CSPG4: variants seen among roughly 807,000 people sequenced by gnomAD.
The protein encoded by CSPG4 is chondroitin sulfate proteoglycan 4.
A neutral mutation model predicts 139.3 loss-of-function variants in CSPG4; 74 were observed. That is an observed-to-expected ratio of 0.53 (90% confidence interval 0.44 to 0.64). CSPG4 has a LOEUF of 0.64. Among genes scored for constraint, CSPG4 ranks in the 30% least tolerant of loss-of-function variants. The probability of loss-of-function intolerance (pLI) is 0.00; values close to 1 mark genes in which losing one functional copy is unlikely to be tolerated. For missense variants in CSPG4, 2,565 were observed against 3,148.3 expected (o/e 0.81, Z 4.43); for synonymous variants, 1,234 against 1,394.2 (o/e 0.89, Z 2.56).
At chr15:75,685,051 G>C in intron 4 of CSPG4, 139 bp from the exon 5 acceptor site, 1 of 1,256,048 alleles carries the variant, frequency 8.0e-7, no homozygotes, top group Non-Finnish European at 1.1e-6. Context: ...CTGGCTCCGA[G>C]GAGTTGTGAG....
At chr15:75,711,671 T>C (rs1294666085) in intron 1 of CSPG4, among the ~76,000 whole-genome samples, 2 of 152,228 alleles carry the variant, frequency 1.3e-5, no homozygotes, top group African/African-American at 4.8e-5. Flanking sequence ...TGGGCCCTTG[T>C]GAAGGAGGCT....
intron 1 of CSPG4, among the ~76,000 whole-genome samples, chr15:75,700,905 C>T (rs1894293562): frequency 6.6e-6 from 1 of 152,150 alleles, no homozygotes; most frequent in African/African-American, 2.4e-5. Flanking sequence ...CCTCAGTTCC[C>T]CCATCTGAAT....
intron 8 of CSPG4, chr15:75,678,596 C>G (rs1893925801): frequency 8.8e-6 from 4 of 454,254 alleles, no homozygotes; most frequent in Non-Finnish European, 1.8e-5. Context: ...TCAAGCGGTC[C>G]ACTTGCCTCG....
Position 75,712,682 on chromosome 15 carries a change from C to T in CSPG4, c.74G>A (p.Arg25Lys). ...CCCTCACTCACCCGCGGATGCAAGT[C>T]TGGCCAACATAGTCAGGGTCAAAGC... is the stretch of plus-strand genomic sequence containing the variant. ...ALALTLTMLARLASAASFFGE... is the reference protein window; with the variant it reads ...ALALTLTMLAKLASAASFFGE... Residue 25 changes from arginine to lysine, a missense_variant, in exon 1 of 10, where the codon AGA becomes AAA. Physicochemically the swap from Arg to Lys is conservative, Grantham distance 26. This residue lies in a region of CSPG4 where 47 missense variants were observed against 48.7 expected (regional missense o/e 0.97). Transcript: ENST00000308508. The T allele has an allele frequency of 6.4e-7, 1 of 1,563,864 alleles. No individual in the cohort carries two copies. The highest frequency in any genetic ancestry group is 8.7e-7 in the Non-Finnish European group (1 of 1,154,562).
intron 5 of CSPG4, 43 bp from the exon 6 acceptor site, chr15:75,683,084 C>T: frequency 6.4e-7 from 1 of 1,568,862 alleles, no homozygotes. Flanking sequence ...GCCGCACTCA[C>T]CCACCCCTTC....
intron 1 of CSPG4, among the ~76,000 whole-genome samples, chr15:75,706,393 G>A (rs756849575): frequency 7.2e-5 from 11 of 152,158 alleles, no homozygotes; most frequent in Non-Finnish European, 1.5e-4. Context: ...GTGTGAGTGT[G>A]TATGTGTGAG....
chr15:75,688,865 G>T lies in CSPG4; in HGVS notation c.2200C>A (p.Arg734=). Residue 734 remains arginine (R), a synonymous_variant, in exon 3 of 10, where the codon CGG becomes AGG. Transcript: ENST00000308508. Reference sequence around the variant, plus strand: ...CTCACGCGGCCCTGCTCCACATCCCGCTGGTGGAACGCCTGTGTGGCCCAC... The same window carrying T: ...CTCACGCGGCCCTGCTCCACATCCCTCTGGTGGAACGCCTGTGTGGCCCAC... ...EWWATQAFHQ[R]DVEQGRVRYL... The T allele has an allele frequency of 6.2e-7, 1 of 1,612,358 alleles. No homozygotes were observed. Among genetic ancestry groups the T allele is most frequent in the Middle Eastern group, 1.7e-4 (1 of 5,718 alleles).
Position 75,689,510 on chromosome 15 carries a change from C to T in CSPG4, c.1555G>A (p.Val519Met), listed in dbSNP as rs544453239. ...DGSEDTSDQL[V>M]LEVSVTARVP... ...CGAGCCGTCACCGACACCTCCAGCA[C>T]CAGCTGGTCGGAGGTGTCCTCAGAG... is the stretch of plus-strand genomic sequence containing the variant. The change falls in exon 3 of 10, where the codon GTG (valine) becomes ATG (methionine). Residue 519 changes from valine to methionine, a missense_variant. Physicochemically the swap from Val to Met is conservative, Grantham distance 21 (BLOSUM62 1). Coordinates refer to ENST00000308508, the MANE Select transcript of CSPG4 (RefSeq NM_001897.5). 2 of 1,582,832 alleles carry T rather than the reference C, an allele frequency of 1.3e-6. No homozygotes were observed. Among genetic ancestry groups the T allele is most frequent in the East Asian group, 2.2e-5 (1 of 44,626 alleles).
At position 75,687,483 on chromosome 15, in the gene CSPG4, A is replaced by C. The variant is rs1246344145; in HGVS notation, c.3582T>G (p.Asp1194Glu). The C allele has an allele frequency of 6.2e-7, 1 of 1,612,394 alleles. No homozygotes were observed. Among genetic ancestry groups the C allele is most frequent in the Non-Finnish European group, 8.5e-7 (1 of 1,179,772 alleles). Reference protein sequence around the residue: ...ATAFSQQDLLDGAVLYSHNGS... With the variant: ...ATAFSQQDLLEGAVLYSHNGS... Reference sequence around the variant, plus strand: ...CATTGTGGCTATAGAGAACGGCCCCATCCAGCAGGTCCTGCTGGGAGAAGG... The same window carrying C: ...CATTGTGGCTATAGAGAACGGCCCCCTCCAGCAGGTCCTGCTGGGAGAAGG... Residue 1194 changes from aspartate to glutamate, a missense_variant, in exon 3 of 10, where the codon GAT becomes GAG. Coordinates refer to ENST00000308508, the MANE Select transcript of CSPG4 (RefSeq NM_001897.5). The surrounding 1 kb of genome is among the most constrained non-coding windows in gnomAD (Gnocchi z 5.4).
chr15:75,688,531 T>C lies in CSPG4; in HGVS notation c.2534A>G (p.Gln845Arg). ...CTGTATGTCATCCTGGGTGAAGCCC[T>C]GGCCATCTGACAGCCTTGTGCCCTG... ...QLQGTRLSDG[Q>R]GFTQDDIQAG... Residue 845 changes from glutamine to arginine, a missense_variant, in exon 3 of 10, where the codon CAG becomes CGG. By Grantham distance (43) the Gln-to-Arg change is conservative. This residue lies in a region of CSPG4 where 2,316 missense variants were observed against 2,818.2 expected (regional missense o/e 0.82). Transcript: ENST00000308508. The C allele has an allele frequency of 1.2e-6, 2 of 1,613,234 alleles. No homozygotes were observed. Among genetic ancestry groups the C allele is most frequent in the African/African-American group, 1.3e-5 (1 of 75,078 alleles).
chr15:75,687,485 C>G lies in CSPG4; in HGVS notation c.3580G>C (p.Asp1194His). 2 of 1,612,604 alleles carry G rather than the reference C, an allele frequency of 1.2e-6. No homozygotes were observed. The highest frequency in any genetic ancestry group is 1.3e-5 in the African/African-American group (1 of 75,030). ...TTGTGGCTATAGAGAACGGCCCCAT[C>G]CAGCAGGTCCTGCTGGGAGAAGGCT... ...ATAFSQQDLLDGAVLYSHNGS... is the reference protein window; with the variant it reads ...ATAFSQQDLLHGAVLYSHNGS... The change falls in exon 3 of 10, where the codon GAT becomes CAT. Residue 1194 changes from aspartate to histidine, a missense_variant. Physicochemically the swap from Asp to His is moderately conservative, Grantham distance 81. This residue lies in a region of CSPG4 where 2,316 missense variants were observed against 2,818.2 expected (regional missense o/e 0.82). Coordinates refer to ENST00000308508, the MANE Select transcript of CSPG4 (RefSeq NM_001897.5). The surrounding 1 kb of genome is among the most constrained non-coding windows in gnomAD (Gnocchi z 5.4).
At chr15:75,693,019 G>A (rs1251529053) in intron 2 of CSPG4, 51 bp downstream of exon 2, 5 of 876,104 alleles carry the variant, frequency 5.7e-6, no homozygotes, top group East Asian at 2.7e-5. Context: ...CAAAGCTAGA[G>A]AAGGAATCCC....
chr15:75,676,152 G>C lies in CSPG4; in HGVS notation c.6367C>G (p.Leu2123Val). 6.5e-7 allele frequency: 1 copy of C among 1,546,070 alleles called. No individual in the cohort carries two copies. Among genetic ancestry groups the C allele is most frequent in the Non-Finnish European group, 8.7e-7 (1 of 1,152,216 alleles). ...TCTGGCCTGCCCACCTCCAGCCCCA[G>C]CCTCCCGTCCTCAAGGTCCTGCTGA... ...FTQQDLEDGRLGLEVGRPEGR... is the reference protein window; with the variant it reads ...FTQQDLEDGRVGLEVGRPEGR... Residue 2123 changes from leucine to valine, a missense_variant, in exon 10 of 10, where the codon CTG (leucine) becomes GTG (valine). Coordinates refer to ENST00000308508, the MANE Select transcript of CSPG4 (RefSeq NM_001897.5).
At chr15:75,694,447 A>G (rs1894201723) in intron 1 of CSPG4, among the ~76,000 whole-genome samples, 1 of 152,354 alleles carries the variant, frequency 6.6e-6, no homozygotes, top group Non-Finnish European at 1.5e-5. Flanking sequence ...ACGGTGATTC[A>G]TTCCTGTTGG....
At chr15:75,712,631 C>T (rs1381995151) in intron 1 of CSPG4, 37 bp downstream of exon 1, 7 of 1,539,766 alleles carry the variant, frequency 4.5e-6, no homozygotes, top group East Asian at 2.5e-5. Context: ...CCTCTAGTTC[C>T]GCCAGGCTGG....
chr15:75,711,752 C>A (rs932101023), intron 1 of CSPG4, among the ~76,000 whole-genome samples: 2 of 152,198 alleles, frequency 1.3e-5, no homozygotes, highest in Admixed American at 1.3e-4. Flanking sequence ...CTGAATCACA[C>A]GTGGGTAGTG....
At chr15:75,679,592 A>G (rs1016521967) in intron 8 of CSPG4, 1 of 152,240 alleles carries the variant, frequency 6.6e-6, no homozygotes, top group African/African-American at 2.4e-5. Context: ...CTGCAGTTCA[A>G]CACCAAAGAA....
chr15:75,682,504 G>C, intron 7 of CSPG4, 45 bp from the exon 8 acceptor site: 1 of 1,579,104 alleles, frequency 6.3e-7, no homozygotes, highest in Non-Finnish European at 8.6e-7. Context: ...TGGGAGCCAG[G>C]TCCAGGCCTG....
rs1434126340 is a variant in CSPG4 at position 75,674,584 on chromosome 15, G to T, written c.*966C>A. ...CTGTATGCAAGCCGACGCAGACAAG[G>T]GCCCAGTGCATAGTTAAGACACAAA... On this transcript the variant is annotated 3_prime_UTR_variant, in exon 10 of 10. Transcript: ENST00000308508. 3 of 396,424 alleles carry T rather than the reference G, an allele frequency of 7.6e-6. No homozygotes were observed. Among genetic ancestry groups the T allele is most frequent in the Non-Finnish European group, 1.3e-5 (3 of 224,960 alleles). 24.6% of individuals were successfully genotyped at this position (396,424 alleles called of 1,614,324 possible).
Sources: gnomAD v4.1 joint callset for allele counts (sites outside exome capture counted in the v4.1 genomes callset) on GRCh38, gnomAD v4.1.1 for gene constraint, gnomAD v4.1.1 regional missense constraint, Gnocchi (gnomAD v3.1) non-coding constraint, MANE v1.5 for transcripts, NCBI Gene and HGNC (gene_info 2026-07-23, HGNC 2026-07-21) for gene names.